MINAR1: variants seen among roughly 807,000 people sequenced by gnomAD.
MINAR1 encodes the protein major intrinsically disordered Notch2-binding receptor 1.
In MINAR1, 40 loss-of-function variants were observed where a neutral mutation model predicts 65.1. That is an observed-to-expected ratio of 0.61 (90% CI 0.48 to 0.80). The LOEUF is 0.80. Among genes scored for constraint, MINAR1 ranks in the 30% least tolerant of loss-of-function variants. The pLI, the probability that MINAR1 is intolerant of heterozygous loss-of-function variation, is 0.00. For missense variants in MINAR1, 1,128 were observed against 1,148.0 expected (o/e 0.98, Z 0.25); for synonymous variants, 482 against 449.1 (o/e 1.07, Z -0.93).
At chr15:79,460,910 A>G (rs1165214322) in intron 2 of MINAR1, among the ~76,000 whole-genome samples, 5 of 152,150 alleles carry the variant, frequency 3.3e-5, no homozygotes, top group Admixed American at 3.3e-4. Context: ...TTGAGCACCT[A>G]TGACGGCCAG....
upstream of MINAR1, among the ~76,000 whole-genome samples, chr15:79,430,900 T>C (rs78361721): frequency 3.8e-3 from 575 of 152,364 alleles, 20 homozygotes; most frequent in East Asian, 0.095. Flanking sequence ...AAAAACTTTT[T>C]ATTAGGTAAA....
intron 3 of MINAR1, among the ~76,000 whole-genome samples, chr15:79,466,365 G>C (rs960205715): frequency 3.3e-5 from 5 of 152,128 alleles, no homozygotes; most frequent in African/African-American, 1.2e-4. Flanking sequence ...AGGCCTTGTG[G>C]GCCTTATAAT....
chr15:79,463,465 T>A, intron 3 of MINAR1, 144 bp downstream of exon 3: 1 of 915,232 alleles, frequency 1.1e-6, no homozygotes, highest in Non-Finnish European at 1.6e-6. Flanking sequence ...TTCAGAACTT[T>A]AATAAATCAT....
chr15:79,430,471 A>G (rs1894411705), upstream of MINAR1, among the ~76,000 whole-genome samples: 1 of 152,226 alleles, frequency 6.6e-6, no homozygotes, highest in South Asian at 2.1e-4. Context: ...CAGGTCTCAA[A>G]TAATCTGCCC....
At chr15:79,442,779 T>G (rs1894908516) in intron 1 of MINAR1, among the ~76,000 whole-genome samples, 2 of 151,738 alleles carry the variant, frequency 1.3e-5, no homozygotes, top group South Asian at 4.2e-4. Flanking sequence ...TTTACCTTAT[T>G]TAAAATTAGT....
At chr15:79,435,295 C>T (rs540669851) in intron 1 of MINAR1, among the ~76,000 whole-genome samples, 104 of 149,998 alleles carry the variant, frequency 6.9e-4, no homozygotes, top group Middle Eastern at 3.4e-3. Flanking sequence ...AAAAAAAATA[C>T]GCAAAACAGA....
At position 79,465,721 on chromosome 15, in the gene MINAR1, C is replaced by G. The variant is rs562945793; in HGVS notation, c.2553+2400C>G. Among the ~76,000 whole-genome samples the G allele has an allele frequency of 2.6e-5, 4 of 152,000 alleles. No homozygotes were observed. The East Asian group carries it at 7.8e-4, about 30-fold the overall frequency. ...TGAGAAGAAGAGCAGGTTGTTCTAC[C>G]CATAGTGTGCTGAGCCTGACTTCCA... On this transcript the variant is annotated intron_variant, in intron 3 of 3. Transcript: ENST00000305428.
At chr15:79,436,704 G>A (rs1165151980) in intron 1 of MINAR1, among the ~76,000 whole-genome samples, 4 of 152,310 alleles carry the variant, frequency 2.6e-5, no homozygotes, top group Admixed American at 6.5e-5. Flanking sequence ...GCATACGCAT[G>A]CATGTCATTT....
chr15:79,459,560 G>T (rs1455208372), intron 2 of MINAR1, among the ~76,000 whole-genome samples: 1 of 152,150 alleles, frequency 6.6e-6, no homozygotes, highest in Non-Finnish European at 1.5e-5. Flanking sequence ...GACAGAGAAG[G>T]CCCTACTCCT....
intron 1 of MINAR1, among the ~76,000 whole-genome samples, chr15:79,445,550 AT>A (rs60881490): frequency 1.6e-4 from 22 of 138,672 alleles, no homozygotes; most frequent in South Asian, 4.5e-4. Flanking sequence ...TGTGACAGTT[AT>A]TTTTTTTTTT....
At chr15:79,419,799 A>G in the MINAR1 span, 2 of 152,226 alleles carry the variant, frequency 1.3e-5, no homozygotes, top group African/African-American at 4.8e-5. Flanking sequence ...GAGAGAAAAA[A>G]TACATAGCAT....
At chr15:79,449,076 G>T (rs115919905) in intron 1 of MINAR1, among the ~76,000 whole-genome samples, 2,414 of 152,290 alleles carry the variant, frequency 0.016, 60 homozygotes, top group East Asian at 0.11. Context: ...CAGGCATCTG[G>T]TTCTGGCCTT....
intron 1 of MINAR1, among the ~76,000 whole-genome samples, chr15:79,447,537 G>T (rs1895058329): frequency 6.6e-6 from 1 of 152,046 alleles, no homozygotes; most frequent in African/African-American, 2.4e-5. Context: ...TCATTGAGTA[G>T]TATTTTCTCT....
At position 79,471,139 on chromosome 15, in the gene MINAR1, G is replaced by A. The variant is rs569563828; in HGVS notation, c.*2755G>A. 82 of 152,260 alleles carry A rather than the reference G, an allele frequency of 5.4e-4. No homozygotes were observed. Among genetic ancestry groups the A allele is most frequent in the African/African-American group, 1.9e-3 (79 of 41,522 alleles). The allele number at this position is 152,260 out of a possible 1,614,324, so 9.4% of individuals were successfully genotyped here. A position where few individuals can be genotyped will look rare whatever the true frequency, so the allele number is the denominator to read the frequency against. On this transcript the variant is annotated 3_prime_UTR_variant, in exon 4 of 4. Coordinates refer to ENST00000305428, the MANE Select transcript of MINAR1 (RefSeq NM_015206.3). ...CTCCTGTTGCAATGAGTTCCCGCAG[G>A]TGACATACGGACTGGCCTCTCTACT... is the stretch of plus-strand genomic sequence containing the variant.
chr15:79,448,546 C>T (rs114056158), intron 1 of MINAR1, among the ~76,000 whole-genome samples: 1,972 of 152,256 alleles, frequency 0.013, 43 homozygotes, highest in African/African-American at 0.045. Context: ...AGGCCAACAC[C>T]GACGCAGGAA....
Position 79,439,346 on chromosome 15 carries a change from G to T in MINAR1, c.-51+6806G>T, listed in dbSNP as rs868598826. On this transcript the variant is annotated intron_variant, in intron 1 of 3. Transcript: ENST00000305428. ...GATGTGGGTGGGGTAGGCAGTGTGT[G>T]TGTGGGTAATGAGATGTGGGTGGGG... Among the ~76,000 whole-genome samples the T allele has an allele frequency of 2.3e-4, 12 of 51,384 alleles. 1 individual carries two copies. Among genetic ancestry groups the T allele is most frequent in the Non-Finnish European group, 1.8e-4 (4 of 22,754 alleles). 33.7% of individuals were successfully genotyped at this position (51,384 alleles called of 152,430 possible).
rs1595926831 is a variant in MINAR1, at chr15:79,435,451, T to C, written c.-51+2911T>C. Among the ~76,000 whole-genome samples the C allele has an allele frequency of 2.0e-5, 3 of 152,226 alleles. No homozygotes were observed. In the East Asian group the frequency reaches 5.8e-4, roughly 29 times the overall value. On this transcript the variant is annotated intron_variant, in intron 1 of 3. Coordinates refer to ENST00000305428, the MANE Select transcript of MINAR1 (RefSeq NM_015206.3). ...CAATATGGCATATTCCCTCTCTGAA[T>C]GTTTCCAATGAAATGTTGTGGTCAC...
intron 2 of MINAR1, among the ~76,000 whole-genome samples, chr15:79,459,903 A>C (rs562283920): frequency 6.6e-6 from 1 of 152,232 alleles, no homozygotes; most frequent in South Asian, 2.1e-4. Flanking sequence ...TATTGTCACT[A>C]TCTCTTAGCT....
At chr15:79,451,705 G>C (rs1006467358) in intron 1 of MINAR1, among the ~76,000 whole-genome samples, 1 of 152,248 alleles carries the variant, frequency 6.6e-6, no homozygotes, top group Non-Finnish European at 1.5e-5. Flanking sequence ...TCTGAAGCCA[G>C]GTGGGATGGA....
Sources: gnomAD v4.1 joint callset for allele counts (sites outside exome capture counted in the v4.1 genomes callset) on GRCh38, gnomAD v4.1.1 for gene constraint, MANE v1.5 for transcripts, NCBI Gene and HGNC (gene_info 2026-07-23, HGNC 2026-07-21) for gene names.